SLC35F3: variants seen among roughly 807,000 people sequenced by gnomAD.
SLC35F3 encodes the protein putative thiamine transporter SLC35F3.
A neutral mutation model predicts 49.9 loss-of-function variants in SLC35F3; 25 were observed. The observed-to-expected ratio is 0.50, with a 90% CI of 0.37 to 0.70. SLC35F3 has a LOEUF of 0.70. Ranked by LOEUF, SLC35F3 falls within the 30% of genes least tolerant of loss-of-function variation. The pLI is 0.00. For synonymous variants in SLC35F3, 275 were observed against 265.4 expected (o/e 1.04, Z -0.35); for missense variants, 525 against 639.8 (o/e 0.82, Z 1.94).
chr1:233,904,798 G>A lies in SLC35F3; in HGVS notation c.-280G>A, dbSNP rs117615927. ...CGGCGGCGACGGTGACGGGCGTGGGGCGCGGCGCTGCCTCGGCTGCCGGGT... is the reference window on the plus strand; with the variant it reads ...CGGCGGCGACGGTGACGGGCGTGGGACGCGGCGCTGCCTCGGCTGCCGGGT... On this transcript the variant is annotated 5_prime_UTR_variant, in exon 1 of 8. Coordinates refer to ENST00000366618, the MANE Select transcript of SLC35F3 (RefSeq NM_173508.4). 14,776 of 163,820 alleles carry A rather than the reference G, an allele frequency of 0.09. 917 individuals carry two copies. The highest frequency in any genetic ancestry group is 0.23 in the East Asian group (1,263 of 5,584). The allele number at this position is 163,820 out of a possible 1,614,324, so 10.1% of individuals were successfully genotyped here.
rs577563725 is a variant in SLC35F3, at chr1:234,265,703, C to A, written c.608+33962C>A. On this transcript the variant is annotated intron_variant, in intron 3 of 7. Coordinates refer to ENST00000366618, the MANE Select transcript of SLC35F3 (RefSeq NM_173508.4). ...CCTGCAGTCTGTTCTCAACACAGAA[C>A]AGTCCTTGAGACAGAAGCCTCCTGT... is the stretch of plus-strand genomic sequence containing the variant. Among the ~76,000 whole-genome samples the A allele has an allele frequency of 3.9e-5, 6 of 152,312 alleles. No individual in the cohort carries two copies. The South Asian group carries it at 1.2e-3, about 32-fold the overall frequency.
intron 2 of SLC35F3, among the ~76,000 whole-genome samples, chr1:234,014,620 A>G (rs1490036609): frequency 6.6e-6 from 1 of 152,242 alleles, no homozygotes; most frequent in Non-Finnish European, 1.5e-5. Context: ...TAATAAATGC[A>G]TATGGTAAAG....
intron 2 of SLC35F3, among the ~76,000 whole-genome samples, chr1:233,935,274 G>C (rs773352245): frequency 1.6e-5 from 2 of 125,182 alleles, no homozygotes; most frequent in African/African-American, 6.0e-5. Context: ...GAACAGAAGA[G>C]ACTGAGCCAT....
At chr1:233,931,280 G>A (rs1456604952) in intron 2 of SLC35F3, among the ~76,000 whole-genome samples, 1 of 152,164 alleles carries the variant, frequency 6.6e-6, no homozygotes, top group African/African-American at 2.4e-5. Flanking sequence ...AGCCAAAAGT[G>A]ACAAATGGGA....
intron 3 of SLC35F3, among the ~76,000 whole-genome samples, chr1:234,271,579 G>A (rs1668106668): frequency 1.3e-5 from 2 of 152,118 alleles, no homozygotes; most frequent in African/African-American, 4.8e-5. Flanking sequence ...AATGTAAAAG[G>A]TGCTATAAAT....
intron 3 of SLC35F3, among the ~76,000 whole-genome samples, chr1:234,256,505 TTCA>T (rs1342557366): frequency 6.6e-6 from 1 of 152,198 alleles, no homozygotes; most frequent in Non-Finnish European, 1.5e-5. Flanking sequence ...TTCAAAAGAC[TTCA>T]TCAGTGATTT....
At position 234,231,769 on chromosome 1, in the gene SLC35F3, C is replaced by G; in HGVS notation, c.608+28C>G. 2.5e-6 allele frequency: 4 copies of G among 1,570,580 alleles called. No individual in the cohort carries two copies. Among genetic ancestry groups the G allele is most frequent in the Non-Finnish European group, 3.5e-6 (4 of 1,154,080 alleles). On this transcript the variant is annotated intron_variant, in intron 3 of 7. Transcript: ENST00000366618. This position sits in a 1 kb window ranked among gnomAD's most constrained non-coding sequence, Gnocchi z 5.4. The stretch of plus-strand genomic sequence containing the variant: ...AGGCGCGTCCTGCATGAGGAGGCCT[C>G]CTGACCCCGGGCTGCTCCATCCAGC...
intron 2 of SLC35F3, among the ~76,000 whole-genome samples, chr1:234,078,903 G>A (rs1239679753): frequency 6.6e-6 from 1 of 152,128 alleles, no homozygotes; most frequent in Non-Finnish European, 1.5e-5. Context: ...TCACCACACT[G>A]TGATCTGCAA....
At chr1:233,954,337 T>A (rs948784554) in intron 2 of SLC35F3, among the ~76,000 whole-genome samples, 1 of 152,074 alleles carries the variant, frequency 6.6e-6, no homozygotes, top group Non-Finnish European at 1.5e-5. Flanking sequence ...ACACTGAGCT[T>A]CTGACAAAAT....
At chr1:234,189,092 C>G (rs917617012) in intron 2 of SLC35F3, among the ~76,000 whole-genome samples, 1 of 152,030 alleles carries the variant, frequency 6.6e-6, no homozygotes. Context: ...TCTGACATAG[C>G]CTACCCAAAT....
intron 3 of SLC35F3, among the ~76,000 whole-genome samples, chr1:234,294,069 G>A (rs1319333513): frequency 6.6e-6 from 1 of 152,182 alleles, no homozygotes; most frequent in African/African-American, 2.4e-5. Context: ...TCCCCTGAAT[G>A]TTTCTTTTCT....
intron 2 of SLC35F3, among the ~76,000 whole-genome samples, chr1:233,956,109 A>G (rs912698129): frequency 3.3e-5 from 5 of 151,728 alleles, no homozygotes; most frequent in African/African-American, 1.2e-4. Context: ...GCTAGTCTCA[A>G]ACTCCTGACC....
chr1:234,175,188 A>G (rs924806440), intron 2 of SLC35F3, among the ~76,000 whole-genome samples: 3 of 152,272 alleles, frequency 2.0e-5, no homozygotes, highest in South Asian at 4.2e-4. Context: ...TCAATGTACT[A>G]TTTTATTCAG....
At chr1:234,164,852 G>T (rs1351494546) in intron 2 of SLC35F3, among the ~76,000 whole-genome samples, 2 of 136,310 alleles carry the variant, frequency 1.5e-5, no homozygotes, top group African/African-American at 5.7e-5. Context: ...GGGGGGGGGG[G>T]TTGGCACAGA....
chr1:234,192,856 T>A (rs1479320402), intron 2 of SLC35F3, among the ~76,000 whole-genome samples: 1 of 151,724 alleles, frequency 6.6e-6, no homozygotes, highest in Non-Finnish European at 1.5e-5. Flanking sequence ...GCTGCAAAAA[T>A]CAAATAAAAT....
In SLC35F3 at chr1:234,231,427, C is replaced by T. The variant is rs1311378801; in HGVS notation, c.294C>T (p.Arg98=). ...CCTTCTCTTCCCCAGGGGAGGAGCG[C>T]CCCCGGGACTCCCCGGGCCCGGCGG... is the stretch of plus-strand genomic sequence containing the variant. The part of the protein sequence containing the change: ...PWAASCKREE[R]PRDSPGPAEA... The change falls in exon 3 of 8, where the codon CGC becomes CGT. Residue 98 remains arginine (R), a synonymous_variant. Transcript: ENST00000366618. The surrounding 1 kb of genome is among the most constrained non-coding windows in gnomAD (Gnocchi z 5.4). 1.9e-6 allele frequency: 3 copies of T among 1,568,608 alleles called. No homozygotes were observed. The highest frequency in any genetic ancestry group is 4.5e-5 in the East Asian group (2 of 44,006).
intron 3 of SLC35F3, among the ~76,000 whole-genome samples, chr1:234,283,470 G>C (rs1668361375): frequency 6.6e-6 from 1 of 152,230 alleles, no homozygotes; most frequent in Non-Finnish European, 1.5e-5. Context: ...CTGATGCTTT[G>C]TTGAAGTTAT....
chr1:234,081,037 G>A (rs898909070), intron 2 of SLC35F3, among the ~76,000 whole-genome samples: 4 of 152,030 alleles, frequency 2.6e-5, no homozygotes, highest in Admixed American at 1.3e-4. Context: ...CCAACTTAGC[G>A]ACCTCTTAAA....
At chr1:234,048,750 T>G (rs1358631060) in intron 2 of SLC35F3, among the ~76,000 whole-genome samples, 1 of 152,176 alleles carries the variant, frequency 6.6e-6, no homozygotes. Flanking sequence ...AATTTTCCAT[T>G]GGGTCCAGAA....
Sources: gnomAD v4.1 joint callset for allele counts (sites outside exome capture counted in the v4.1 genomes callset) on GRCh38, gnomAD v4.1.1 for gene constraint, Gnocchi (gnomAD v3.1) non-coding constraint, MANE v1.5 for transcripts, NCBI Gene and HGNC (gene_info 2026-07-23, HGNC 2026-07-21) for gene names.